NET1: variants seen among roughly 807,000 people sequenced by gnomAD.
NET1 encodes neuroepithelial cell transforming 1, also known as neuroepithelial cell-transforming gene 1 protein.
A neutral mutation model predicts 61.1 loss-of-function variants in NET1; 42 were observed. That is an observed-to-expected ratio of 0.69 (90% CI 0.54 to 0.89). The LOEUF is 0.89. Ranked by LOEUF, NET1 falls within the 40% of genes least tolerant of loss-of-function variation. The pLI is 0.00. For missense variants in NET1, 654 were observed against 747.3 expected (o/e 0.88, Z 1.46); for synonymous variants, 254 against 281.8 (o/e 0.90, Z 0.99).
rs754342915 is a variant in NET1 at position 5,429,217 on chromosome 10, C to T, written c.243C>T (p.Ser81=). The T allele has an allele frequency of 6.2e-7, 1 of 1,607,582 alleles. No homozygotes were observed. The highest frequency in any genetic ancestry group is 8.5e-7 in the Non-Finnish European group (1 of 1,176,490). Residue 81 remains serine (S), a synonymous_variant, in exon 3 of 12, where the codon AGC becomes AGT. Transcript: ENST00000355029. ...EKDDDVVSLS[S]LDLKEPSNKR... ...ATGATGATGTTGTAAGCCTTAGCAG[C>T]CTTGATCTGAAGGTAAGCCCTGCTG...
intron 3 of NET1, among the ~76,000 whole-genome samples, chr10:5,438,699 G>GA (rs1832476591): frequency 6.6e-6 from 1 of 152,138 alleles, no homozygotes; most frequent in South Asian, 2.1e-4. Context: ...TACTCTTTCA[G>GA]AAAATCAAAG....
At chr10:5,428,960 C>T (rs1194092345) in intron 2 of NET1, among the ~76,000 whole-genome samples, 2 of 151,502 alleles carry the variant, frequency 1.3e-5, no homozygotes, top group African/African-American at 4.9e-5. Flanking sequence ...TCTCGAACTC[C>T]TGACCTCAGA....
At position 5,441,200 on chromosome 10, in the gene NET1, C is replaced by T. The variant is rs187835380; in HGVS notation, c.256-10630C>T. 5.3e-4 allele frequency among the ~76,000 whole-genome samples: 81 copies of T among 152,358 alleles called. No homozygotes were observed. The highest frequency in any genetic ancestry group is 1.9e-3 in the African/African-American group (78 of 41,586). On this transcript the variant is annotated intron_variant, in intron 3 of 11. Coordinates refer to ENST00000355029, the MANE Select transcript of NET1 (RefSeq NM_001047160.3). This position sits in a 1 kb window ranked among gnomAD's most constrained non-coding sequence, Gnocchi z 4.6. ...CTTTTATCCTGCAGCTTCTGTGCTC[C>T]GTTAGTCAACAAGTGGCCTTTCGGG...
intron 3 of NET1, among the ~76,000 whole-genome samples, chr10:5,436,186 T>TTGTG (rs139070024): frequency 4.7e-5 from 1 of 21,296 alleles, no homozygotes; most frequent in African/African-American, 1.6e-4. Context: ...TGTGTGTGTG[T>TTGTG]TGTGTGTGTG....
rs922640530 is a variant in NET1, at chr10:5,444,389, A to G, written c.256-7441A>G. Among the ~76,000 whole-genome samples, 5 of 152,180 alleles carry G rather than the reference A, an allele frequency of 3.3e-5. No individual in the cohort carries two copies. Among genetic ancestry groups the G allele is most frequent in the Non-Finnish European group, 5.9e-5 (4 of 68,016 alleles). On this transcript the variant is annotated intron_variant, in intron 3 of 11. Coordinates refer to ENST00000355029, the MANE Select transcript of NET1 (RefSeq NM_001047160.3). The surrounding 1 kb of genome is among the most constrained non-coding windows in gnomAD (Gnocchi z 5.3). ...TGCAAACCTTAGGCAATTACTTTTT[A>G]TAGATTATTTGTCTTTATAAATAGT...
chr10:5,436,222 GTGCA>G (rs1832433056), intron 3 of NET1, among the ~76,000 whole-genome samples: 3 of 47,756 alleles, frequency 6.3e-5, no homozygotes, highest in Admixed American at 4.9e-4. Flanking sequence ...GTGTGTGTGT[GTGCA>G]TATATATATA....
chr10:5,414,558 A>T (rs775576338), intron 1 of NET1, among the ~76,000 whole-genome samples: 2 of 152,256 alleles, frequency 1.3e-5, no homozygotes, highest in Non-Finnish European at 1.5e-5. Flanking sequence ...TAAATGAAAA[A>T]ATGATTGTTC....
rs2119217096 is a variant in NET1 at position 5,455,275 on chromosome 10, AAAG to A, written c.1197+162_1197+164del. On this transcript the variant is annotated intron_variant, in intron 10 of 11. Transcript: ENST00000355029. The surrounding 1 kb of genome is among the most constrained non-coding windows in gnomAD (Gnocchi z 6.5). ...ATATTACCAGCTTGATAAAGCCAAC[AAAG>A]AAGATACCTTAAATGTCTCAGTGGA... Among the ~76,000 whole-genome samples, 1 of 152,346 alleles carries A rather than the reference AAAG, an allele frequency of 6.6e-6. No individual in the cohort carries two copies. The highest frequency in any genetic ancestry group is 1.9e-4 in the East Asian group (1 of 5,188).
chr10:5,439,957 C>T lies in NET1; in HGVS notation c.255+10728C>T, dbSNP rs1414813444. On this transcript the variant is annotated intron_variant, in intron 3 of 11. Coordinates refer to ENST00000355029, the MANE Select transcript of NET1 (RefSeq NM_001047160.3). The surrounding 1 kb of genome is among the most constrained non-coding windows in gnomAD (Gnocchi z 4.8). Reference sequence around the variant, plus strand: ...TCCAAAAGATGAAGAGTCCTGCTAGCACTGTGCCTAGAAGATGCAAGGTGC... The same window carrying T: ...TCCAAAAGATGAAGAGTCCTGCTAGTACTGTGCCTAGAAGATGCAAGGTGC... 6.6e-6 allele frequency among the ~76,000 whole-genome samples: 1 copy of T among 152,202 alleles called. No individual in the cohort carries two copies. Among genetic ancestry groups the T allele is most frequent in the African/African-American group, 2.4e-5 (1 of 41,450 alleles).
In NET1 at chr10:5,446,078, G is replaced by A. The variant is rs777627891; in HGVS notation, c.256-5752G>A. ...TAACCTCATGGGAGATTTTCTTCTG[G>A]AAGAGAGGTAACAGAAGTGCACCTG... On this transcript the variant is annotated intron_variant, in intron 3 of 11. Transcript: ENST00000355029. This position sits in a 1 kb window ranked among gnomAD's most constrained non-coding sequence, Gnocchi z 5.0. 1.1e-4 allele frequency among the ~76,000 whole-genome samples: 16 copies of A among 152,156 alleles called. No homozygotes were observed. Among genetic ancestry groups the A allele is most frequent in the Non-Finnish European group, 2.4e-4 (16 of 68,034 alleles).
chr10:5,432,806 G>A (rs1178675319), intron 3 of NET1, among the ~76,000 whole-genome samples: 1 of 151,480 alleles, frequency 6.6e-6, no homozygotes, highest in Non-Finnish European at 1.5e-5. Context: ...TGGATGAACT[G>A]TATGTAGCCT....
chr10:5,452,430 A>G lies in NET1; in HGVS notation c.436A>G (p.Thr146Ala). ...QKFSSRSTVP[T>A]PAKRRSSALW... Reference sequence around the variant, plus strand: ...GTTTTCTAGCAGGTCAACAGTCCCAACACCCGCCAAGAGAAGGAGCAGTGC... The same window carrying G: ...GTTTTCTAGCAGGTCAACAGTCCCAGCACCCGCCAAGAGAAGGAGCAGTGC... Residue 146 changes from threonine to alanine, a missense_variant, in exon 5 of 12, where the codon ACA becomes GCA. By Grantham distance (58) the Thr-to-Ala change is moderately conservative (BLOSUM62 0). Transcript: ENST00000355029. The surrounding 1 kb of genome is among the most constrained non-coding windows in gnomAD (Gnocchi z 4.0). The G allele has an allele frequency of 6.2e-7, 1 of 1,614,094 alleles. No homozygotes were observed. Among genetic ancestry groups the G allele is most frequent in the South Asian group, 1.1e-5 (1 of 91,066 alleles).
chr10:5,455,127 C>T lies in NET1; in HGVS notation c.1197+9C>T. 1 of 1,612,120 alleles carries T rather than the reference C, an allele frequency of 6.2e-7. No individual in the cohort carries two copies. The highest frequency in any genetic ancestry group is 1.1e-5 in the South Asian group (1 of 90,972). The stretch of plus-strand genomic sequence containing the variant: ...GGAGCAAGAGTGGACATGTAGGTGA[C>T]TTTTGCTGCCGTGGCAGAGCAGCCT... On this transcript the variant is annotated intron_variant, in intron 10 of 11. Coordinates refer to ENST00000355029, the MANE Select transcript of NET1 (RefSeq NM_001047160.3). This position sits in a 1 kb window ranked among gnomAD's most constrained non-coding sequence, Gnocchi z 6.5.
rs1335213173 is a variant in NET1, at chr10:5,446,797, T to G, written c.256-5033T>G. ...GCACATGATGAGACTGGAGGTCTCC[T>G]ACCTATTAAAAGGACCATACGAGTC... is the stretch of plus-strand genomic sequence containing the variant. On this transcript the variant is annotated intron_variant, in intron 3 of 11. Coordinates refer to ENST00000355029, the MANE Select transcript of NET1 (RefSeq NM_001047160.3). The surrounding 1 kb of genome is among the most constrained non-coding windows in gnomAD (Gnocchi z 5.0). 1 of 1,611,352 alleles carries G rather than the reference T, an allele frequency of 6.2e-7. No individual in the cohort carries two copies.
chr10:5,442,889 A>AAG (rs1832544717), intron 3 of NET1, among the ~76,000 whole-genome samples: 1 of 151,394 alleles, frequency 6.6e-6, no homozygotes, highest in Non-Finnish European at 1.5e-5. Context: ...AAAAAAAAAA[A>AAG]AAAGAAAGAA....
At position 5,412,608 on chromosome 10, in the gene NET1, T is replaced by A; in HGVS notation, c.-85T>A. Reference sequence around the variant, plus strand: ...CTGCAGTCCGCTGACAGGCGCTTTCTGCCTGGCAGAGGCTGGCGGGCATCG... The same window carrying A: ...CTGCAGTCCGCTGACAGGCGCTTTCAGCCTGGCAGAGGCTGGCGGGCATCG... On this transcript the variant is annotated 5_prime_UTR_variant, in exon 1 of 12. Coordinates refer to ENST00000355029, the MANE Select transcript of NET1 (RefSeq NM_001047160.3). This position sits in a 1 kb window ranked among gnomAD's most constrained non-coding sequence, Gnocchi z 6.5. 7.3e-7 allele frequency: 1 copy of A among 1,375,362 alleles called. No individual in the cohort carries two copies. Among genetic ancestry groups the A allele is most frequent in the Non-Finnish European group, 9.4e-7 (1 of 1,061,550 alleles). 85.2% of individuals were successfully genotyped at this position (1,375,362 alleles called of 1,614,324 possible).
At position 5,455,944 on chromosome 10, in the gene NET1, T is replaced by C; in HGVS notation, c.1198-143T>C. ...TGCTTAGCCTTGAAATTGCCATCTT[T>C]ATGGATTACTAGATTTGTCACTTAG... On this transcript the variant is annotated intron_variant, in intron 10 of 11. Transcript: ENST00000355029. The surrounding 1 kb of genome is among the most constrained non-coding windows in gnomAD (Gnocchi z 6.5). The C allele has an allele frequency of 1.3e-6, 1 of 779,848 alleles. No individual in the cohort carries two copies. 48.3% of individuals were successfully genotyped at this position (779,848 alleles called of 1,614,324 possible). A position where few individuals can be genotyped will look rare whatever the true frequency, so the allele number is the denominator to read the frequency against.
rs986205722 is a variant in NET1 at position 5,455,465 on chromosome 10, G to A, written c.1197+347G>A. Among the ~76,000 whole-genome samples the A allele has an allele frequency of 2.6e-5, 4 of 152,012 alleles. No individual in the cohort carries two copies. The highest frequency in any genetic ancestry group is 2.1e-4 in the South Asian group (1 of 4,826). On this transcript the variant is annotated intron_variant, in intron 10 of 11. Coordinates refer to ENST00000355029, the MANE Select transcript of NET1 (RefSeq NM_001047160.3). This position sits in a 1 kb window ranked among gnomAD's most constrained non-coding sequence, Gnocchi z 6.5. Reference sequence around the variant, plus strand: ...CTTATGCTTATGAAAGTGGTTTTTCGCACTACATAACAAATTTCTGAAGCA... The same window carrying A: ...CTTATGCTTATGAAAGTGGTTTTTCACACTACATAACAAATTTCTGAAGCA...
At position 5,457,800 on chromosome 10, in the gene NET1, T is replaced by C. The variant is rs1832831620; in HGVS notation, c.*806T>C. Reference sequence around the variant, plus strand: ...CCAAGCCATACTGTTTTTGAGCCAATTAAGAAAATTGCCATTTTTAAAGTG... The same window carrying C: ...CCAAGCCATACTGTTTTTGAGCCAACTAAGAAAATTGCCATTTTTAAAGTG... On this transcript the variant is annotated 3_prime_UTR_variant, in exon 12 of 12. Transcript: ENST00000355029. This position sits in a 1 kb window ranked among gnomAD's most constrained non-coding sequence, Gnocchi z 5.4. 6.6e-6 allele frequency: 1 copy of C among 152,514 alleles called. No individual in the cohort carries two copies. The highest frequency in any genetic ancestry group is 6.6e-5 in the Admixed American group (1 of 15,258). 9.4% of individuals were successfully genotyped at this position (152,514 alleles called of 1,614,324 possible).
Sources: allele counts gnomAD v4.1 joint callset (sites outside exome capture counted in the v4.1 genomes callset), GRCh38; gene constraint gnomAD v4.1.1; non-coding constraint Gnocchi (gnomAD v3.1); transcripts MANE v1.5; gene names NCBI Gene and HGNC (gene_info 2026-07-23, HGNC 2026-07-21).